GPR83: variants seen among roughly 807,000 people sequenced by gnomAD.
GPR83 encodes G protein-coupled receptor 83, also known as G-protein coupled receptor 72.
A neutral mutation model predicts 28.0 loss-of-function variants in GPR83; 23 were observed. The observed-to-expected ratio is 0.82, with a 90% CI of 0.59 to 1.16. The LOEUF is 1.16. GPR83 is among the 50% of genes most tolerant of loss of function. GPR83 has a pLI of 0.00. For missense variants in GPR83, 610 were observed against 536.6 expected (o/e 1.14, Z -1.35); for synonymous variants, 234 against 215.4 (o/e 1.09, Z -0.76).
rs766270236 is a variant in GPR83 at position 94,401,069 on chromosome 11, C to T, written c.179G>A (p.Arg60His). Residue 60 changes from arginine (R) to histidine (H), a missense_variant, in exon 1 of 4, where the codon CGC becomes CAC. Arg to His is a conservative substitution (Grantham distance 29). Coordinates refer to ENST00000243673, the MANE Select transcript of GPR83 (RefSeq NM_016540.4). The part of the protein sequence containing the change: ...SDWQNFVGRR[R>H]YGAESQNPTV... The stretch of plus-strand genomic sequence containing the variant: ...GGGGTTCTGGGACTCAGCGCCGTAG[C>T]GCCTCCTGCCCACAAAGTTCTGCCA... The T allele has an allele frequency of 6.2e-7, 1 of 1,614,082 alleles. No individual in the cohort carries two copies.
intron 2 of GPR83, among the ~76,000 whole-genome samples, chr11:94,395,024 T>A (rs960501215): frequency 1.3e-5 from 2 of 152,224 alleles, no homozygotes; most frequent in Non-Finnish European, 2.9e-5. Flanking sequence ...AATATTTATA[T>A]GCAAACTTTT....
At chr11:94,385,013 G>C (rs961060089) in intron 3 of GPR83, among the ~76,000 whole-genome samples, 1 of 152,184 alleles carries the variant, frequency 6.6e-6, no homozygotes, top group African/African-American at 2.4e-5. Flanking sequence ...CAGAGGAACT[G>C]ATCAGGCAGC....
Position 94,380,447 on chromosome 11 carries a change from G to A in GPR83, c.974C>T (p.Ala325Val). The change falls in exon 4 of 4, where the codon GCC (alanine) becomes GTC (valine). Residue 325 changes from alanine to valine, a missense_variant. Ala to Val is a moderately conservative substitution (Grantham distance 64, BLOSUM62 0). Transcript: ENST00000243673. ...LSSKVIRTNN[A>V]LYFAFHWFAM... ...AAACCAGTGGAAGGCAAAGTAGAGG[G>A]CATTGTTGGTGCGGATGACCTTGCT... The A allele has an allele frequency of 6.2e-7, 1 of 1,614,122 alleles. No individual in the cohort carries two copies. The highest frequency in any genetic ancestry group is 8.5e-7 in the Non-Finnish European group (1 of 1,179,936).
rs1944868667 is a variant in GPR83 at position 94,396,528 on chromosome 11, G to A, written c.388-4C>T. ...ATGTGCTGTTCACAAAGCGAACCTG[G>A]AGATGAGCCCAAAGATGTTAGGAGA... is the stretch of plus-strand genomic sequence containing the variant. On this transcript the variant is annotated splice_polypyrimidine_tract_variant and splice_region_variant and intron_variant, in intron 1 of 3. Coordinates refer to ENST00000243673, the MANE Select transcript of GPR83 (RefSeq NM_016540.4). 1 of 1,613,468 alleles carries A rather than the reference G, an allele frequency of 6.2e-7. No individual in the cohort carries two copies. The highest frequency in any genetic ancestry group is 8.5e-7 in the Non-Finnish European group (1 of 1,179,528).
intron 3 of GPR83, among the ~76,000 whole-genome samples, chr11:94,383,918 G>A (rs962245270): frequency 6.6e-6 from 1 of 152,120 alleles, no homozygotes; most frequent in Non-Finnish European, 1.5e-5. Context: ...ACAGGAGCTG[G>A]TACCATTCCT....
chr11:94,399,579 T>C (rs1385336257), intron 1 of GPR83, among the ~76,000 whole-genome samples: 2 of 152,194 alleles, frequency 1.3e-5, no homozygotes, highest in Non-Finnish European at 2.9e-5. Context: ...AAAGAGAATG[T>C]GAGGGTACTT....
intron 2 of GPR83, among the ~76,000 whole-genome samples, chr11:94,394,453 TTAAA>T (rs1330003753): frequency 6.6e-6 from 1 of 152,192 alleles, no homozygotes; most frequent in Non-Finnish European, 1.5e-5. Flanking sequence ...CCTAAAAGGT[TTAAA>T]TAAAGACTTA....
chr11:94,385,869 G>A (rs1462758718), intron 3 of GPR83, among the ~76,000 whole-genome samples: 2 of 152,152 alleles, frequency 1.3e-5, no homozygotes, highest in Non-Finnish European at 2.9e-5. Context: ...TACTGCTCAA[G>A]AAGAGCAACT....
chr11:94,386,331 C>A (rs1944755036), intron 3 of GPR83, among the ~76,000 whole-genome samples: 1 of 152,132 alleles, frequency 6.6e-6, no homozygotes. Flanking sequence ...ATGACAGGAT[C>A]AAATTCACAC....
chr11:94,385,893 T>C (rs1297959093), intron 3 of GPR83, among the ~76,000 whole-genome samples: 2 of 152,104 alleles, frequency 1.3e-5, no homozygotes, highest in African/African-American at 4.8e-5. Context: ...AGACACATAA[T>C]TGTCAGATTC....
chr11:94,396,777 T>G (rs761600755), intron 1 of GPR83, among the ~76,000 whole-genome samples: 26 of 151,748 alleles, frequency 1.7e-4, no homozygotes, highest in Non-Finnish European at 2.9e-4. Flanking sequence ...GAAGGATGTG[T>G]GCTATGGAGT....
chr11:94,389,870 C>T (rs569947508), intron 3 of GPR83, among the ~76,000 whole-genome samples: 29 of 152,076 alleles, frequency 1.9e-4, no homozygotes, highest in East Asian at 5.8e-4. Flanking sequence ...CACATGCAGA[C>T]GTATGATTAT....
rs1944634966 is a variant in GPR83 at position 94,377,617 on chromosome 11, C to T, written c.*2532G>A. 6.6e-6 allele frequency: 1 copy of T among 152,148 alleles called. No homozygotes were observed. The highest frequency in any genetic ancestry group is 2.1e-4 in the South Asian group (1 of 4,818). The allele number at this position is 152,148 out of a possible 1,614,324, so 9.4% of individuals were successfully genotyped here. ...GAAAGCAATACACATTCAGTAGAAA[C>T]CATACTTCGCATATCCATACAACCA... On this transcript the variant is annotated 3_prime_UTR_variant, in exon 4 of 4. Coordinates refer to ENST00000243673, the MANE Select transcript of GPR83 (RefSeq NM_016540.4).
chr11:94,385,006 A>C lies in GPR83; in HGVS notation c.648-4233T>G, dbSNP rs1017037685. ...TACTCCTCTGAGACAAAACTTCCAG[A>C]GGAACTGATCAGGCAGCAACATTTG... On this transcript the variant is annotated intron_variant, in intron 3 of 3. Transcript: ENST00000243673. Among the ~76,000 whole-genome samples, 4 of 152,332 alleles carry C rather than the reference A, an allele frequency of 2.6e-5. No individual in the cohort carries two copies. In the South Asian group the frequency reaches 8.3e-4, roughly 32 times the overall value.
At chr11:94,385,267 T>C (rs1944740774) in intron 3 of GPR83, among the ~76,000 whole-genome samples, 2 of 152,110 alleles carry the variant, frequency 1.3e-5, no homozygotes, top group African/African-American at 4.8e-5. Context: ...GGAGAAAAAC[T>C]GAAAATTCTA....
Position 94,400,946 on chromosome 11 carries a change from C to T in GPR83, c.302G>A (p.Arg101Gln). The change falls in exon 1 of 4, where the codon CGA (arginine) becomes CAA (glutamine). Residue 101 changes from arginine (R) to glutamine (Q), a missense_variant. Transcript: ENST00000243673. Reference protein sequence around the residue: ...LVCHVIFKNQRMHSATSLFIV... With the variant: ...LVCHVIFKNQQMHSATSLFIV... Reference sequence around the variant, plus strand: ...GAAGAGGCTGGTGGCCGAGTGCATTCGCTGGTTCTTGAAGATGACATGACA... The same window carrying T: ...GAAGAGGCTGGTGGCCGAGTGCATTTGCTGGTTCTTGAAGATGACATGACA... The T allele has an allele frequency of 6.2e-7, 1 of 1,614,084 alleles. No homozygotes were observed. Among genetic ancestry groups the T allele is most frequent in the Non-Finnish European group, 8.5e-7 (1 of 1,179,942 alleles).
rs979049335 is a variant in GPR83 at position 94,378,128 on chromosome 11, T to A, written c.*2021A>T. ...ATCCCTGTGGGCTTAGAAGACTCTG[T>A]CTGCCCAATGAAAGTCATGGTTTTG... On this transcript the variant is annotated 3_prime_UTR_variant, in exon 4 of 4. Transcript: ENST00000243673. 1 of 152,218 alleles carries A rather than the reference T, an allele frequency of 6.6e-6. No homozygotes were observed. The highest frequency in any genetic ancestry group is 2.4e-5 in the African/African-American group (1 of 41,450). The allele number at this position is 152,218 out of a possible 1,614,324, so 9.4% of individuals were successfully genotyped here.
Position 94,378,352 on chromosome 11 carries a change from T to C in GPR83, c.*1797A>G, listed in dbSNP as rs1944642508. On this transcript the variant is annotated 3_prime_UTR_variant, in exon 4 of 4. Coordinates refer to ENST00000243673, the MANE Select transcript of GPR83 (RefSeq NM_016540.4). Reference sequence around the variant, plus strand: ...AAACCTTAGTTTCCTACTGAGCTCATATCCATGCTTTGATTTCAGAGTTTA... The same window carrying C: ...AAACCTTAGTTTCCTACTGAGCTCACATCCATGCTTTGATTTCAGAGTTTA... The C allele has an allele frequency of 6.6e-6, 1 of 152,156 alleles. No individual in the cohort carries two copies. The highest frequency in any genetic ancestry group is 2.4e-5 in the African/African-American group (1 of 41,440). 9.4% of individuals were successfully genotyped at this position (152,156 alleles called of 1,614,324 possible).
At chr11:94,397,292 C>G (rs1944875866) in intron 1 of GPR83, among the ~76,000 whole-genome samples, 1 of 152,188 alleles carries the variant, frequency 6.6e-6, no homozygotes. Flanking sequence ...ACTTGAGCAG[C>G]TCCTGTGAGT....
Sources: allele counts gnomAD v4.1 joint callset (sites outside exome capture counted in the v4.1 genomes callset), GRCh38; gene constraint gnomAD v4.1.1; transcripts MANE v1.5; gene names NCBI Gene and HGNC (gene_info 2026-07-23, HGNC 2026-07-21).